The following RALGAPA1 variants were observed in gnomAD, a reference collection of about 807,000 sequenced individuals.
The protein encoded by RALGAPA1 is ral GTPase-activating protein subunit alpha-1.
In RALGAPA1, 52 loss-of-function variants were observed where a neutral mutation model predicts 269.6. The observed-to-expected ratio is 0.19, with a 90% CI of 0.15 to 0.24. RALGAPA1 has a LOEUF of 0.24. Among genes scored for constraint, RALGAPA1 ranks in the 10% least tolerant of loss-of-function variants. The pLI is 1.00. For synonymous variants in RALGAPA1, 817 were observed against 1,008.3 expected (o/e 0.81, Z 3.60); for missense variants, 1,917 against 3,013.9 (o/e 0.64, Z 8.52).
At chr14:35,806,093 T>G (rs1187221561) in intron 1 of RALGAPA1, among the ~76,000 whole-genome samples, 2 of 152,226 alleles carry the variant, frequency 1.3e-5, no homozygotes, top group Non-Finnish European at 2.9e-5. Flanking sequence ...TATGTAAAAA[T>G]TATTCAATTA....
intron 37 of RALGAPA1, among the ~76,000 whole-genome samples, chr14:35,594,211 G>C (rs756449316): frequency 9.2e-5 from 14 of 152,140 alleles, no homozygotes; most frequent in Non-Finnish European, 1.8e-4. Context: ...ACTGGCCTTG[G>C]CAATGATTTT....
At position 35,721,655 on chromosome 14, in the gene RALGAPA1, T is replaced by G. The variant is rs1387542627; in HGVS notation, c.2266+33A>C. On this transcript the variant is annotated intron_variant, in intron 16 of 41. Transcript: ENST00000680220. Reference sequence around the variant, plus strand: ...ACCAAGGACTATAAATGTAGTGCCCTGTACCATTCTCATGATTTTCAAGAG... The same window carrying G: ...ACCAAGGACTATAAATGTAGTGCCCGGTACCATTCTCATGATTTTCAAGAG... 8 of 1,589,038 alleles carry G rather than the reference T, an allele frequency of 5.0e-6. No homozygotes were observed. The South Asian group carries it at 9.0e-5, about 18-fold the overall frequency.
intron 1 of RALGAPA1, among the ~76,000 whole-genome samples, chr14:35,786,794 C>T (rs1241299332): frequency 1.3e-5 from 2 of 152,140 alleles, no homozygotes; most frequent in Non-Finnish European, 2.9e-5. Context: ...TTCCACTTGC[C>T]TGCATTCATG....
intron 8 of RALGAPA1, among the ~76,000 whole-genome samples, chr14:35,751,212 C>T (rs546877759): frequency 1.3e-5 from 2 of 152,226 alleles, no homozygotes; most frequent in South Asian, 4.2e-4. Context: ...GATATGTTGG[C>T]ACAATAATTA....
In RALGAPA1 at chr14:35,748,783, A is replaced by G. The variant is rs890131802; in HGVS notation, c.1053T>C (p.Asn351=). The change falls in exon 10 of 42, where the codon AAT becomes AAC. Residue 351 remains asparagine, a synonymous_variant. Transcript: ENST00000680220. ...ASLVSREESK[N]DNADKTDRTT... is the part of the protein sequence containing the mutation. The stretch of plus-strand genomic sequence containing the variant: ...TTCTGTCTGTTTTATCAGCATTATC[A>G]TTTTTGCTTTCTTCTCTGGATACTA... The G allele has an allele frequency of 6.2e-7, 1 of 1,607,270 alleles. No individual in the cohort carries two copies. Among genetic ancestry groups the G allele is most frequent in the Admixed American group, 1.7e-5 (1 of 58,880 alleles).
intron 39 of RALGAPA1, among the ~76,000 whole-genome samples, chr14:35,549,562 C>G (rs553525332): frequency 4.6e-5 from 7 of 152,206 alleles, no homozygotes; most frequent in Middle Eastern, 6.8e-3. Context: ...GGAGTCTAGG[C>G]TGAAATTTAT....
intron 12 of RALGAPA1, 90 bp from the exon 13 acceptor site, chr14:35,728,600 G>A (rs2070190487): frequency 1.4e-6 from 2 of 1,391,424 alleles, no homozygotes; most frequent in Non-Finnish European, 9.4e-7. Flanking sequence ...TCACACTGTG[G>A]GTAAATTCTA....
intron 39 of RALGAPA1, among the ~76,000 whole-genome samples, chr14:35,563,177 G>T (rs539214619): frequency 1.5e-4 from 23 of 152,184 alleles, no homozygotes; most frequent in South Asian, 8.3e-4. Context: ...AACAAGGAGG[G>T]TAAGTAAGAC....
intron 41 of RALGAPA1, among the ~76,000 whole-genome samples, chr14:35,542,682 A>AT: frequency 6.6e-6 from 1 of 152,228 alleles, no homozygotes; most frequent in Non-Finnish European, 1.5e-5. Context: ...TACTTGAGTC[A>AT]TAAAGAATGC....
At chr14:35,634,519 T>G in intron 33 of RALGAPA1, 55 bp downstream of exon 33, 2 of 1,425,308 alleles carry the variant, frequency 1.4e-6, no homozygotes, top group Non-Finnish European at 1.9e-6. Context: ...TGGCCTCAAG[T>G]TATACCTTGA....
intron 16 of RALGAPA1, among the ~76,000 whole-genome samples, chr14:35,704,454 G>GT (rs2067627150): frequency 6.6e-6 from 1 of 151,996 alleles, no homozygotes; most frequent in South Asian, 2.1e-4. Context: ...TTAAATGCAG[G>GT]TAAGTTCCCT....
intron 33 of RALGAPA1, among the ~76,000 whole-genome samples, chr14:35,630,457 T>A (rs2061289723): frequency 6.6e-6 from 1 of 152,194 alleles, no homozygotes; most frequent in African/African-American, 2.4e-5. Context: ...CTGGCTAATT[T>A]TTACATTAGA....
intron 17 of RALGAPA1, among the ~76,000 whole-genome samples, chr14:35,697,709 T>G (rs1385515805): frequency 6.6e-6 from 1 of 151,902 alleles, no homozygotes; most frequent in Non-Finnish European, 1.5e-5. Context: ...ATTTGCACTA[T>G]GAATCTTTAA....
At chr14:35,651,142 G>A (rs947923814) in intron 31 of RALGAPA1, among the ~76,000 whole-genome samples, 3 of 151,994 alleles carry the variant, frequency 2.0e-5, no homozygotes, top group South Asian at 4.1e-4. Flanking sequence ...CAATAGAAAC[G>A]GAGTTAGTGA....
At position 35,752,085 on chromosome 14, in the gene RALGAPA1, A is replaced by G. The variant is rs1206964634; in HGVS notation, c.741T>C (p.Tyr247=). 2 of 1,587,886 alleles carry G rather than the reference A, an allele frequency of 1.3e-6. No homozygotes were observed. Among genetic ancestry groups the G allele is most frequent in the Non-Finnish European group, 1.7e-6 (2 of 1,170,742 alleles). Residue 247 remains tyrosine (Y), a synonymous_variant, in exon 8 of 42, where the codon TAT becomes TAC. Coordinates refer to ENST00000680220, the MANE Select transcript of RALGAPA1 (RefSeq NM_001346249.2). Reference sequence around the variant, plus strand: ...TGTTTGGAAAAATATAAGGCAAGTAATATTTCTTAAAATGTGAAAACAAAA... The same window carrying G: ...TGTTTGGAAAAATATAAGGCAAGTAGTATTTCTTAAAATGTGAAAACAAAA... ...FSFLFSHFKK[Y]YLPYIFPNIC...
chr14:35,778,442 T>C (rs2141599460), intron 1 of RALGAPA1, among the ~76,000 whole-genome samples: 3 of 152,338 alleles, frequency 2.0e-5, no homozygotes, highest in Middle Eastern at 6.8e-3. Flanking sequence ...GCCTTTCCTC[T>C]CTATTCCCTT....
chr14:35,706,574 C>T, intron 16 of RALGAPA1: 1 of 150,054 alleles, frequency 6.7e-6, no homozygotes, highest in African/African-American at 2.4e-5. Flanking sequence ...CATTCTTTTC[C>T]TTCAATATTG....
rs980660219 is a variant in RALGAPA1, at chr14:35,763,718, C to T, written c.326-965G>A. 4.7e-5 allele frequency among the ~76,000 whole-genome samples: 7 copies of T among 150,038 alleles called. No individual in the cohort carries two copies. In the South Asian group the frequency reaches 6.4e-4, roughly 14 times the overall value. On this transcript the variant is annotated intron_variant, in intron 4 of 41. Transcript: ENST00000680220. ...CAAATTTTTGCTATTCCAAGAGTAC[C>T]GTAATAAATAGTTATTGTTCATGAT...
intron 35 of RALGAPA1, among the ~76,000 whole-genome samples, chr14:35,608,161 C>T (rs2059702974): frequency 6.6e-6 from 1 of 152,126 alleles, no homozygotes; most frequent in Non-Finnish European, 1.5e-5. Flanking sequence ...AGCTATTAGT[C>T]TCCTGGTGCA....
Sources: allele counts gnomAD v4.1 joint callset (sites outside exome capture counted in the v4.1 genomes callset), GRCh38; gene constraint gnomAD v4.1.1; transcripts MANE v1.5; gene names NCBI Gene and HGNC (gene_info 2026-07-23, HGNC 2026-07-21).